GAPDH: variants seen among roughly 807,000 people sequenced by gnomAD.
GAPDH encodes OCAS, p38 component.
Under a neutral mutation model 31.2 loss-of-function variants are expected in GAPDH, and 13 were observed. The observed-to-expected ratio is 0.42, with a 90% CI of 0.27 to 0.66. The LOEUF (loss-of-function observed/expected upper bound fraction) is 0.66. GAPDH is among the 30% of genes least tolerant of loss of function. GAPDH has a pLI of 0.26. For synonymous variants in GAPDH, 211 were observed against 166.9 expected (o/e 1.26, Z -2.04); for missense variants, 300 against 443.7 (o/e 0.68, Z 2.91).
In GAPDH at chr12:6,534,794, C is replaced by T. The variant is rs370942649; in HGVS notation, c.-23-16C>T. ...CCGGGGCCACTAGGCGCTCACTGTT[C>T]TCTCCCTCCGCGCAGCCGAGCCACA... On this transcript the variant is annotated splice_polypyrimidine_tract_variant and intron_variant, in intron 1 of 8. Transcript: ENST00000229239. The T allele has an allele frequency of 6.4e-4, 1,037 of 1,610,344 alleles. 1 individual carries two copies. Among genetic ancestry groups the T allele is most frequent in the Non-Finnish European group, 8.2e-4 (961 of 1,178,792 alleles).
rs1438805162 is a variant in GAPDH, at chr12:6,537,829, C to T, written c.771C>T (p.Asp257=). The part of the protein sequence containing the change: ...CRLEKPAKYD[D]IKKVVKQASE... ...TAGAAAAACCTGCCAAATATGATGA[C>T]ATCAAGAAGGTGGTGAAGCAGGCGT... Residue 257 remains aspartate (D), a synonymous_variant, in exon 8 of 9, where the codon GAC becomes GAT. Transcript: ENST00000229239. This position sits in a 1 kb window ranked among gnomAD's most constrained non-coding sequence, Gnocchi z 4.9. The T allele has an allele frequency of 5.6e-6, 9 of 1,612,164 alleles. No homozygotes were observed. In the East Asian group the frequency reaches 1.6e-4, roughly 28 times the overall value.
chr12:6,536,486 T>G lies in GAPDH; in HGVS notation c.30-8T>G. 6.2e-7 allele frequency: 1 copy of G among 1,607,662 alleles called. No homozygotes were observed. Among genetic ancestry groups the G allele is most frequent in the South Asian group, 1.1e-5 (1 of 90,396 alleles). On this transcript the variant is annotated splice_polypyrimidine_tract_variant and splice_region_variant and intron_variant, in intron 2 of 8. Coordinates refer to ENST00000229239, the MANE Select transcript of GAPDH (RefSeq NM_002046.7). ...CCTCCTCATGCCTTCTTGCCTCTTG[T>G]CTCTTAGATTTGGTCGTATTGGGCG...
In GAPDH at chr12:6,537,562, C is replaced by A; in HGVS notation, c.526-22C>A. The A allele has an allele frequency of 1.9e-6, 3 of 1,604,266 alleles. No homozygotes were observed. The highest frequency in any genetic ancestry group is 2.6e-6 in the Non-Finnish European group (3 of 1,175,432). ...GAGGGGTGATGTGGGGAGTACGCTGCAGGGCCTCACTCCTTTTGCAGACCA... is the reference window on the plus strand; with the variant it reads ...GAGGGGTGATGTGGGGAGTACGCTGAAGGGCCTCACTCCTTTTGCAGACCA... On this transcript the variant is annotated intron_variant, in intron 7 of 8. Coordinates refer to ENST00000229239, the MANE Select transcript of GAPDH (RefSeq NM_002046.7). This position sits in a 1 kb window ranked among gnomAD's most constrained non-coding sequence, Gnocchi z 4.9.
In GAPDH at chr12:6,534,544, A is replaced by G. The variant is rs939358816; in HGVS notation, c.-49A>G. On this transcript the variant is annotated 5_prime_UTR_variant, in exon 1 of 9. Coordinates refer to ENST00000229239, the MANE Select transcript of GAPDH (RefSeq NM_002046.7). ...TCTCTGCTCCTCCTGTTCGACAGTC[A>G]GCCGCATCTTCTTTTGCGTCGCCAG... 9 of 504,018 alleles carry G rather than the reference A, an allele frequency of 1.8e-5. No individual in the cohort carries two copies. The highest frequency in any genetic ancestry group is 1.0e-4 in the South Asian group (5 of 48,038). The allele number at this position is 504,018 out of a possible 1,614,324, so 31.2% of individuals were successfully genotyped here.
chr12:6,535,291 G>A (rs969284307), intron 2 of GAPDH: 3 of 1,009,268 alleles, frequency 3.0e-6, no homozygotes, highest in Non-Finnish European at 3.6e-6. Context: ...GCGGTAGAGC[G>A]GCCGCCATGT....
In GAPDH at chr12:6,537,730, G is replaced by A; in HGVS notation, c.672G>A (p.Leu224=). The A allele has an allele frequency of 6.2e-7, 1 of 1,611,704 alleles. No individual in the cohort carries two copies. Among genetic ancestry groups the A allele is most frequent in the Non-Finnish European group, 8.5e-7 (1 of 1,179,850 alleles). ...CTGTGGGCAAGGTCATCCCTGAGCT[G>A]AACGGGAAGCTCACTGGCATGGCCT... ...AKAVGKVIPE[L]NGKLTGMAFR... The change falls in exon 8 of 9, where the codon CTG becomes CTA. Residue 224 remains leucine (L), a synonymous_variant. Coordinates refer to ENST00000229239, the MANE Select transcript of GAPDH (RefSeq NM_002046.7). The surrounding 1 kb of genome is among the most constrained non-coding windows in gnomAD (Gnocchi z 4.9).
rs769758398 is a variant in GAPDH at position 6,537,050 on chromosome 12, G to C, written c.327+40G>C. ...GCCCGCGGGAGGGGAAGCTGACTCA[G>C]CCCTGCAAAGGCAGGACCCGGGTTC... On this transcript the variant is annotated intron_variant, in intron 5 of 8. Transcript: ENST00000229239. This position sits in a 1 kb window ranked among gnomAD's most constrained non-coding sequence, Gnocchi z 4.9. 7 of 1,607,336 alleles carry C rather than the reference G, an allele frequency of 4.4e-6. No homozygotes were observed. The highest frequency in any genetic ancestry group is 5.9e-6 in the Non-Finnish European group (7 of 1,176,474).
At chr12:6,535,994 C>T (rs1170692858) in intron 2 of GAPDH, among the ~76,000 whole-genome samples, 1 of 152,216 alleles carries the variant, frequency 6.6e-6, no homozygotes, top group African/African-American at 2.4e-5. Flanking sequence ...AGCTTCCCCT[C>T]TTCCCACCCG....
Position 6,537,090 on chromosome 12 carries a change from C to T in GAPDH, c.328-11C>T. 1.9e-6 allele frequency: 3 copies of T among 1,609,516 alleles called. No individual in the cohort carries two copies. The highest frequency in any genetic ancestry group is 1.7e-6 in the Non-Finnish European group (2 of 1,178,760). On this transcript the variant is annotated splice_polypyrimidine_tract_variant and intron_variant, in intron 5 of 8. Transcript: ENST00000229239. The surrounding 1 kb of genome is among the most constrained non-coding windows in gnomAD (Gnocchi z 4.9). ...GACCCGGGTTCATAACTGTCTGCTT[C>T]TCTGCTGTAGGCTCATTTGCAGGGG...
Position 6,537,454 on chromosome 12 carries a change from G to C in GAPDH, c.525+64G>C. Reference sequence around the variant, plus strand: ...TCTCATCCAAGACTGGCTCCTCCCTGCCGGGGCTGCGTGCAACCCTGGGGT... The same window carrying C: ...TCTCATCCAAGACTGGCTCCTCCCTCCCGGGGCTGCGTGCAACCCTGGGGT... On this transcript the variant is annotated intron_variant, in intron 7 of 8. Coordinates refer to ENST00000229239, the MANE Select transcript of GAPDH (RefSeq NM_002046.7). This position sits in a 1 kb window ranked among gnomAD's most constrained non-coding sequence, Gnocchi z 4.9. 3.8e-6 allele frequency: 6 copies of C among 1,583,086 alleles called. No individual in the cohort carries two copies. The highest frequency in any genetic ancestry group is 5.2e-6 in the Non-Finnish European group (6 of 1,154,576).
chr12:6,537,519 A>G lies in GAPDH; in HGVS notation c.526-65A>G. The G allele has an allele frequency of 6.3e-7, 1 of 1,586,454 alleles. No homozygotes were observed. On this transcript the variant is annotated intron_variant, in intron 7 of 8. Coordinates refer to ENST00000229239, the MANE Select transcript of GAPDH (RefSeq NM_002046.7). This position sits in a 1 kb window ranked among gnomAD's most constrained non-coding sequence, Gnocchi z 4.9. ...ACTGGCTTTCCCATAATTTCCTTTC[A>G]AGGTGGGGAGGGAGGTAGAGGGGTG...
In GAPDH at chr12:6,537,820, A is replaced by C; in HGVS notation, c.762A>C (p.Lys254Asn). 6.2e-7 allele frequency: 1 copy of C among 1,612,078 alleles called. No individual in the cohort carries two copies. ...DLTCRLEKPA[K>N]YDDIKKVVKQ... Reference sequence around the variant, plus strand: ...CCTGCCGTCTAGAAAAACCTGCCAAATATGATGACATCAAGAAGGTGGTGA... The same window carrying C: ...CCTGCCGTCTAGAAAAACCTGCCAACTATGATGACATCAAGAAGGTGGTGA... Residue 254 changes from lysine to asparagine, a missense_variant, in exon 8 of 9, where the codon AAA becomes AAC. Lys to Asn is a moderately conservative substitution (Grantham distance 94, BLOSUM62 0). Coordinates refer to ENST00000229239, the MANE Select transcript of GAPDH (RefSeq NM_002046.7). This position sits in a 1 kb window ranked among gnomAD's most constrained non-coding sequence, Gnocchi z 4.9.
rs1423751100 is a variant in GAPDH, at chr12:6,538,249, C to A, written c.*79C>A. Reference sequence around the variant, plus strand: ...ACTGCTGGGGAGTCCCTGCCACACTCAGTCCCCCACCACACTGAATCTCCC... The same window carrying A: ...ACTGCTGGGGAGTCCCTGCCACACTAAGTCCCCCACCACACTGAATCTCCC... On this transcript the variant is annotated 3_prime_UTR_variant, in exon 9 of 9. Coordinates refer to ENST00000229239, the MANE Select transcript of GAPDH (RefSeq NM_002046.7). The A allele has an allele frequency of 1.6e-4, 178 of 1,131,444 alleles. No individual in the cohort carries two copies. The highest frequency in any genetic ancestry group is 2.2e-4 in the Non-Finnish European group (169 of 758,892). 70.1% of individuals were successfully genotyped at this position (1,131,444 alleles called of 1,614,324 possible).
intron 2 of GAPDH, chr12:6,535,236 G>A: frequency 2.8e-6 from 3 of 1,083,554 alleles, no homozygotes; most frequent in Non-Finnish European, 3.4e-6. Context: ...CAGGCCCCGG[G>A]ATGCTAGTGC....
Position 6,536,569 on chromosome 12 carries a change from C to T in GAPDH, c.105C>T (p.Asp35=), listed in dbSNP as rs769573085. The T allele has an allele frequency of 2.7e-5, 44 of 1,613,040 alleles. No individual in the cohort carries two copies. In the South Asian group the frequency reaches 2.7e-4, roughly 10 times the overall value. ...SGKVDIVAIN[D]PFIDLNYMVY... is the part of the protein sequence containing the mutation. Reference sequence around the variant, plus strand: ...AAGTGGATATTGTTGCCATCAATGACCCCTTCATTGACCTCAACTACATGG... The same window carrying T: ...AAGTGGATATTGTTGCCATCAATGATCCCTTCATTGACCTCAACTACATGG... The change falls in exon 3 of 9, where the codon GAC becomes GAT. Residue 35 remains aspartate, a synonymous_variant. Coordinates refer to ENST00000229239, the MANE Select transcript of GAPDH (RefSeq NM_002046.7).
chr12:6,535,662 C>A (rs955886026), intron 2 of GAPDH, among the ~76,000 whole-genome samples: 4 of 152,274 alleles, frequency 2.6e-5, no homozygotes. Context: ...CCCCGCCCTT[C>A]CCCTGCCAGC....
At chr12:6,536,169 C>T (rs761416806) in intron 2 of GAPDH, among the ~76,000 whole-genome samples, 17 of 152,180 alleles carry the variant, frequency 1.1e-4, no homozygotes, top group Non-Finnish European at 2.5e-4. Context: ...GCAAGCATTC[C>T]TGGGGTGGCA....
chr12:6,535,039 T>A lies in GAPDH; in HGVS notation c.29+178T>A, dbSNP rs1946431050. ...GCCCCGCACCCAGGCTGTGGCGCCC[T>A]GTGCAGCTCCGCCCTTGCGGCGCCA... is the stretch of plus-strand genomic sequence containing the variant. On this transcript the variant is annotated intron_variant, in intron 2 of 8. Coordinates refer to ENST00000229239, the MANE Select transcript of GAPDH (RefSeq NM_002046.7). The A allele has an allele frequency of 3.7e-6, 3 of 821,762 alleles. No homozygotes were observed. The South Asian group carries it at 5.4e-5, about 15-fold the overall frequency. 50.9% of individuals were successfully genotyped at this position (821,762 alleles called of 1,614,324 possible). A position where few individuals can be genotyped will look rare whatever the true frequency, so the allele number is the denominator to read the frequency against.
Position 6,538,323 on chromosome 12 carries a change from G to A in GAPDH, c.*153G>A. 1.5e-6 allele frequency: 1 copy of A among 648,620 alleles called. No individual in the cohort carries two copies. Among genetic ancestry groups the A allele is most frequent in the Non-Finnish European group, 2.7e-6 (1 of 366,894 alleles). 40.2% of individuals were successfully genotyped at this position (648,620 alleles called of 1,614,324 possible). On this transcript the variant is annotated 3_prime_UTR_variant, in exon 9 of 9. Coordinates refer to ENST00000229239, the MANE Select transcript of GAPDH (RefSeq NM_002046.7). Reference sequence around the variant, plus strand: ...CCCTTGAAGAGGGGAGGGGCCTAGGGAGCCGCACCTTGTCATGTACCATCA... The same window carrying A: ...CCCTTGAAGAGGGGAGGGGCCTAGGAAGCCGCACCTTGTCATGTACCATCA...
Sources: gnomAD v4.1 joint callset for allele counts (sites outside exome capture counted in the v4.1 genomes callset) on GRCh38, gnomAD v4.1.1 for gene constraint, Gnocchi (gnomAD v3.1) non-coding constraint, MANE v1.5 for transcripts, NCBI Gene and HGNC (gene_info 2026-07-23, HGNC 2026-07-21) for gene names.